The following TRDN variants were observed in gnomAD, a reference collection of about 807,000 sequenced individuals.
TRDN encodes triadin in skeletal muscle.
In TRDN, 161 loss-of-function variants were observed where a neutral mutation model predicts 149.7. That is an observed-to-expected ratio of 1.08 (90% confidence interval 0.95 to 1.23). TRDN has a LOEUF of 1.23. Among genes scored for constraint, TRDN ranks in the 50% most tolerant of loss-of-function variants. The pLI, the probability that TRDN is intolerant of heterozygous loss-of-function variation, is 0.00. For missense variants in TRDN, 896 were observed against 823.5 expected (o/e 1.09, Z -1.08); for synonymous variants, 294 against 250.5 (o/e 1.17, Z -1.64).
chr6:123,477,203 A>C (rs1389547726), intron 9 of TRDN, among the ~76,000 whole-genome samples: 2 of 132,622 alleles, frequency 1.5e-5, no homozygotes, highest in Admixed American at 7.7e-5. Flanking sequence ...GAACTCAAAC[A>C]AATTTACAAG....
At chr6:123,396,616 G>T (rs1252991068) in intron 12 of TRDN, among the ~76,000 whole-genome samples, 1 of 152,126 alleles carries the variant, frequency 6.6e-6, no homozygotes, top group African/African-American at 2.4e-5. Flanking sequence ...TATCAGAGAA[G>T]TTAGTATTTG....
intron 38 of TRDN, among the ~76,000 whole-genome samples, chr6:123,226,805 A>T (rs1366790809): frequency 1.3e-5 from 2 of 151,902 alleles, no homozygotes; most frequent in African/African-American, 4.8e-5. Context: ...AGAAGGTAGA[A>T]TCATGGCAGT....
At chr6:123,374,167 G>A (rs1431286) in intron 19 of TRDN, among the ~76,000 whole-genome samples, 26,366 of 152,056 alleles carry the variant, frequency 0.17, 2,677 homozygotes, top group African/African-American at 0.29. Context: ...AAGATGATTT[G>A]GCAAGCTAAT....
At chr6:123,435,997 A>C (rs1273192436) in intron 12 of TRDN, among the ~76,000 whole-genome samples, 4 of 152,112 alleles carry the variant, frequency 2.6e-5, no homozygotes, top group Admixed American at 2.6e-4. Flanking sequence ...ACACATGCAC[A>C]CACACATACG....
At chr6:123,323,108 A>T (rs1213674936) in intron 23 of TRDN, among the ~76,000 whole-genome samples, 2 of 152,200 alleles carry the variant, frequency 1.3e-5, no homozygotes, top group Non-Finnish European at 2.9e-5. Context: ...CAGGAAAATC[A>T]AAATGCTAAC....
At chr6:123,497,300 T>C in intron 8 of TRDN, 48 bp from the exon 9 acceptor site, 2 of 1,270,996 alleles carry the variant, frequency 1.6e-6, no homozygotes, top group Non-Finnish European at 1.1e-6. Context: ...TCATCAACAC[T>C]TCATTTTTCT....
At chr6:123,572,440 G>A (rs1422621982) in intron 1 of TRDN, among the ~76,000 whole-genome samples, 1 of 151,990 alleles carries the variant, frequency 6.6e-6, no homozygotes, top group Non-Finnish European at 1.5e-5. Context: ...ACTACTGTAT[G>A]GCTAGAAAGC....
chr6:123,234,691 T>C (rs1448941067), intron 38 of TRDN, among the ~76,000 whole-genome samples: 1 of 152,118 alleles, frequency 6.6e-6, no homozygotes, highest in African/African-American at 2.4e-5. Flanking sequence ...CTGAATACAC[T>C]AAAGTGCTCA....
chr6:123,270,038 A>G (rs1777153805), intron 30 of TRDN, among the ~76,000 whole-genome samples, 172 bp from the exon 31 acceptor site: 1 of 152,154 alleles, frequency 6.6e-6, no homozygotes, highest in Non-Finnish European at 1.5e-5. Flanking sequence ...ACATTAATCA[A>G]ACTGCAAAAA....
chr6:123,356,506 T>C, intron 20 of TRDN, among the ~76,000 whole-genome samples: 1 of 7,644 alleles, frequency 1.3e-4, no homozygotes, highest in African/African-American at 6.3e-4. Context: ...AAGAAGTTTA[T>C]ATATATATAT....
intron 26 of TRDN, among the ~76,000 whole-genome samples, 169 bp from the exon 27 acceptor site, chr6:123,274,839 C>T (rs1217157213): frequency 1.3e-5 from 2 of 152,050 alleles, no homozygotes; most frequent in Non-Finnish European, 2.9e-5. Context: ...TGCCACTGCA[C>T]TCCAGCTTAG....
intron 24 of TRDN, among the ~76,000 whole-genome samples, chr6:123,285,074 A>G (rs972575384): frequency 6.6e-6 from 1 of 152,012 alleles, no homozygotes; most frequent in African/African-American, 2.4e-5. Flanking sequence ...GTATTGTGAA[A>G]ATGACCAGGG....
At chr6:123,446,254 G>A (rs1337753927) in intron 10 of TRDN, among the ~76,000 whole-genome samples, 2 of 151,380 alleles carry the variant, frequency 1.3e-5, no homozygotes, top group Non-Finnish European at 2.9e-5. Context: ...GGGGAGTGGG[G>A]AGGGATAGCA....
At chr6:123,456,692 C>G in intron 10 of TRDN, 1 of 406,700 alleles carries the variant, frequency 2.5e-6, no homozygotes, top group Non-Finnish European at 4.9e-6. Context: ...TGGTCTCTAA[C>G]TCCTGAGCTG....
chr6:123,311,706 A>C (rs943420261), intron 24 of TRDN, among the ~76,000 whole-genome samples: 2 of 151,970 alleles, frequency 1.3e-5, no homozygotes, highest in Non-Finnish European at 1.5e-5. Context: ...TGACAGAGAG[A>C]ATATCATGAA....
chr6:123,517,050 C>T (rs775759361), intron 5 of TRDN, among the ~76,000 whole-genome samples: 1 of 152,088 alleles, frequency 6.6e-6, no homozygotes, highest in Non-Finnish European at 1.5e-5. Context: ...GAGTTCATTC[C>T]TGTCGCCATG....
At position 123,350,317 on chromosome 6, in the gene TRDN, G is replaced by T. The variant is rs957546641; in HGVS notation, c.1369+2222C>A. On this transcript the variant is annotated intron_variant, in intron 21 of 40. Transcript: ENST00000334268. ...AATATCCATAGTATTTAAGTCCAGA[G>T]ATTCAATATGCACAATTATACTCAG... is the stretch of plus-strand genomic sequence containing the variant. The T allele has an allele frequency of 1.6e-5, 15 of 949,500 alleles. No homozygotes were observed. The African/African-American group carries it at 2.3e-4, about 15-fold the overall frequency. 58.8% of individuals were successfully genotyped at this position (949,500 alleles called of 1,614,324 possible).
intron 23 of TRDN, among the ~76,000 whole-genome samples, chr6:123,324,287 A>C (rs6903607): frequency 6.6e-6 from 1 of 151,936 alleles, no homozygotes; most frequent in African/African-American, 2.4e-5. Context: ...AAATAATAGA[A>C]GACTTACAGT....
intron 35 of TRDN, among the ~76,000 whole-genome samples, chr6:123,258,007 T>G (rs916856213): frequency 1.1e-4 from 17 of 152,176 alleles, no homozygotes; most frequent in Admixed American, 2.0e-4. Flanking sequence ...TTTGCTGAAG[T>G]TACTTACCAG....
Sources: gnomAD v4.1 joint callset for allele counts (sites outside exome capture counted in the v4.1 genomes callset) on GRCh38, gnomAD v4.1.1 for gene constraint, MANE v1.5 for transcripts, NCBI Gene and HGNC (gene_info 2026-07-23, HGNC 2026-07-21) for gene names.